DNAJB14: variants seen among roughly 807,000 people sequenced by gnomAD.
DNAJB14 encodes the protein DnaJ heat shock protein family (Hsp40) member B14.
Under a neutral mutation model 48.4 loss-of-function variants are expected in DNAJB14, and 22 were observed. The observed-to-expected ratio is 0.45, with a 90% CI of 0.32 to 0.65. The LOEUF is 0.65. Ranked by LOEUF, DNAJB14 falls within the 30% of genes least tolerant of loss-of-function variation. The pLI is 0.03. For missense variants in DNAJB14, 319 were observed against 458.8 expected, an observed-to-expected ratio of 0.70 and a Z score of 2.78; for synonymous variants, 142 against 158.7, an observed-to-expected ratio of 0.89 and a Z score of 0.79.
At chr4:99,939,797 G>C (rs377303635) in intron 1 of DNAJB14, among the ~76,000 whole-genome samples, 2 of 152,352 alleles carry the variant, frequency 1.3e-5, no homozygotes, top group African/African-American at 4.8e-5. Flanking sequence ...TGATGCCTAA[G>C]AAGATGACTC....
rs911320233 is a variant in DNAJB14, at chr4:99,946,594, C to T, written c.-23G>A. ...CATAGCTTGCTCCTTCTTCCGTTTC[C>T]TCCGGCAGCGCAGCTAAGAAGGGCG... On this transcript the variant is annotated 5_prime_UTR_variant, in exon 1 of 8. Transcript: ENST00000442697. 2 of 1,611,776 alleles carry T rather than the reference C, an allele frequency of 1.2e-6. No homozygotes were observed. The highest frequency in any genetic ancestry group is 1.3e-5 in the African/African-American group (1 of 74,730).
chr4:99,922,954 C>T, intron 3 of DNAJB14, 86 bp downstream of exon 3: 1 of 1,399,218 alleles, frequency 7.1e-7, no homozygotes. Context: ...ATGCACCAGT[C>T]CAAAAGCAGA....
intron 1 of DNAJB14, among the ~76,000 whole-genome samples, chr4:99,940,947 A>T (rs948170154): frequency 2.7e-5 from 4 of 150,702 alleles, no homozygotes; most frequent in African/African-American, 7.3e-5. Context: ...CTATATATAT[A>T]TATATTTTTT....
rs1725232165 is a variant in DNAJB14 at position 99,899,671 on chromosome 4, GAT to G, written c.*1355_*1356del. ...CTCTCACTCACAAAGAAGTATCAAAGATATGTTTATGTTCCATTAACCGAGTA... is the reference window on the plus strand; with the variant it reads ...CTCTCACTCACAAAGAAGTATCAAAGATGTTTATGTTCCATTAACCGAGTA... On this transcript the variant is annotated 3_prime_UTR_variant, in exon 8 of 8. Transcript: ENST00000442697. 1 of 152,264 alleles carries G rather than the reference GAT, an allele frequency of 6.6e-6. No homozygotes were observed. Among genetic ancestry groups the G allele is most frequent in the Non-Finnish European group, 1.5e-5 (1 of 67,810 alleles). The allele number at this position is 152,264 out of a possible 1,614,324, so 9.4% of individuals were successfully genotyped here. A position where few individuals can be genotyped will look rare whatever the true frequency, so the allele number is the denominator to read the frequency against.
intron 7 of DNAJB14, 89 bp from the exon 8 acceptor site, chr4:99,901,241 T>G: frequency 8.9e-7 from 1 of 1,121,724 alleles, no homozygotes; most frequent in Non-Finnish European, 1.2e-6. Context: ...AGGAGCCCTT[T>G]GATATATTTT....
chr4:99,903,688 G>A lies in DNAJB14; in HGVS notation c.1015+38C>T, dbSNP rs112067684. On this transcript the variant is annotated intron_variant, in intron 7 of 7. Coordinates refer to ENST00000442697, the MANE Select transcript of DNAJB14 (RefSeq NM_001031723.4). ...TACATTAATCAGTTCCAAAGACTGC[G>A]AATAAGTTTTAAAATGTTAAACACA... The A allele has an allele frequency of 2.8e-3, 4,383 of 1,578,110 alleles. 109 individuals are homozygous for A. In the South Asian group the frequency reaches 0.036, roughly 13 times the overall value.
chr4:99,917,935 C>T (rs373835489), intron 3 of DNAJB14, among the ~76,000 whole-genome samples: 10 of 152,090 alleles, frequency 6.6e-5, no homozygotes, highest in Non-Finnish European at 1.3e-4. Context: ...AGTTTGACAA[C>T]GATGTGTCTT....
At chr4:99,923,828 T>C (rs563275055) in intron 2 of DNAJB14, 18 of 984,158 alleles carry the variant, frequency 1.8e-5, no homozygotes, top group Non-Finnish European at 2.1e-5. Context: ...CATAAACCAC[T>C]GCACCCGGCC....
At chr4:99,924,888 T>G in intron 2 of DNAJB14, 2 of 1,084,720 alleles carry the variant, frequency 1.8e-6, no homozygotes, top group Non-Finnish European at 2.8e-6. Flanking sequence ...ATTTTGCCTC[T>G]AGGCAAAAAT....
intron 1 of DNAJB14, 58 bp from the exon 2 acceptor site, chr4:99,930,679 T>C (rs1726435908): frequency 2.7e-6 from 4 of 1,499,494 alleles, no homozygotes; most frequent in East Asian, 2.4e-5. Flanking sequence ...CACAAGATCC[T>C]GAGAAGAAAG....
At chr4:99,940,569 C>T (rs1257014040) in intron 1 of DNAJB14, among the ~76,000 whole-genome samples, 4 of 151,926 alleles carry the variant, frequency 2.6e-5, no homozygotes, top group African/African-American at 4.8e-5. Context: ...CCAGCCTGGG[C>T]GACAGAACGA....
At chr4:99,916,930 A>G (rs1426989444) in intron 3 of DNAJB14, among the ~76,000 whole-genome samples, 2 of 151,866 alleles carry the variant, frequency 1.3e-5, no homozygotes, top group Non-Finnish European at 2.9e-5. Context: ...ATCGAGAGAT[A>G]GAGACCATCC....
At chr4:99,923,396 G>A (rs1726131320) in intron 2 of DNAJB14, among the ~76,000 whole-genome samples, 1 of 152,094 alleles carries the variant, frequency 6.6e-6, no homozygotes, top group African/African-American at 2.4e-5. Context: ...TCTAAGAAGA[G>A]TAAACCATGA....
chr4:99,905,429 ATTAC>A (rs201930382), intron 6 of DNAJB14, among the ~76,000 whole-genome samples, 164 bp downstream of exon 6: 3,601 of 152,268 alleles, frequency 0.024, 64 homozygotes, highest in Non-Finnish European at 0.034. Flanking sequence ...AGACAAATTT[ATTAC>A]TTAAAGTAAC....
At chr4:99,908,565 T>TC (rs1725546328) in intron 4 of DNAJB14, 146 bp downstream of exon 4, 1 of 549,502 alleles carries the variant, frequency 1.8e-6, no homozygotes, top group Non-Finnish European at 2.9e-6. Flanking sequence ...CTAATATTTT[T>TC]CTCCTGCTTT....
chr4:99,901,246 T>C (rs773313844), intron 7 of DNAJB14, 94 bp from the exon 8 acceptor site: 265 of 1,113,358 alleles, frequency 2.4e-4, no homozygotes, highest in Non-Finnish European at 2.9e-4. Context: ...CCCTTTGATA[T>C]ATTTTGATTA....
At position 99,906,497 on chromosome 4, in the gene DNAJB14, A is replaced by G. The variant is rs1725472302; in HGVS notation, c.732+20T>C. On this transcript the variant is annotated intron_variant, in intron 5 of 7. Coordinates refer to ENST00000442697, the MANE Select transcript of DNAJB14 (RefSeq NM_001031723.4). ...CTGAGCTGAAATTTGCCATTTTGTG[A>G]TTTCTAGTCATAAACGTACATCTCC... The G allele has an allele frequency of 6.2e-7, 1 of 1,606,192 alleles. No individual in the cohort carries two copies. Among genetic ancestry groups the G allele is most frequent in the South Asian group, 1.1e-5 (1 of 90,074 alleles).
intron 1 of DNAJB14, chr4:99,942,034 T>G (rs1726907214): frequency 6.6e-6 from 1 of 152,064 alleles, no homozygotes; most frequent in African/African-American, 2.4e-5. Context: ...TAATGACAAT[T>G]TTAAAAGCTA....
chr4:99,914,076 A>G (rs941795198), intron 3 of DNAJB14, among the ~76,000 whole-genome samples: 4 of 152,168 alleles, frequency 2.6e-5, no homozygotes, highest in Non-Finnish European at 5.9e-5. Context: ...GGAAATAATC[A>G]ATTCCTTCAA....
Sources: allele counts gnomAD v4.1 joint callset (sites outside exome capture counted in the v4.1 genomes callset), GRCh38; gene constraint gnomAD v4.1.1; transcripts MANE v1.5; gene names NCBI Gene and HGNC (gene_info 2026-07-23, HGNC 2026-07-21).